Variants in BTBD18 observed in about 807,000 individuals in gnomAD.
The protein encoded by BTBD18 is BTB domain containing 18.
For missense variants in BTBD18, 787 were observed against 846.3 expected (o/e 0.93, Z 0.87); for synonymous variants, 311 against 324.4 (o/e 0.96, Z 0.44).
intron 2 of BTBD18, among the ~76,000 whole-genome samples, chr11:57,749,745 C>CAAAAAAAAAAAAAAAA (rs576323420): frequency 1.6e-5 from 1 of 62,970 alleles, no homozygotes; most frequent in Non-Finnish European, 2.8e-5. Context: ...GCAAGAATCT[C>CAAAAAAAAAAAAAAAA]AAAAAAAAAA....
At position 57,743,851 on chromosome 11, in the gene BTBD18, C is replaced by T; in HGVS notation, c.*283G>A. ...CTGAGAGATCTGGCCTTGGCTGTTA[C>T]CTATGACCCACCAGAATTGGGGAGC... On this transcript the variant is annotated 3_prime_UTR_variant, in exon 3 of 3. Transcript: ENST00000422652. The T allele has an allele frequency of 3.1e-6, 1 of 321,170 alleles. No homozygotes were observed. The allele number at this position is 321,170 out of a possible 1,614,324, so 19.9% of individuals were successfully genotyped here.
chr11:57,746,393 A>C (rs1020657982), intron 2 of BTBD18, among the ~76,000 whole-genome samples: 8 of 149,800 alleles, frequency 5.3e-5, no homozygotes, highest in Non-Finnish European at 3.0e-5. Context: ...GCAGTGGTGC[A>C]ATCTCAGCTC....
rs939416519 is a variant in BTBD18 at position 57,744,738 on chromosome 11, C to G, written c.1535G>C (p.Gly512Ala). Reference protein sequence around the residue: ...LCGSDIEPPIGSLESPGAEGC... With the variant: ...LCGSDIEPPIASLESPGAEGC... ...CTCAGCCCCTGGACTCTCCAGAGAC[C>G]CTATAGGTGGTTCAATGTCTGAGCC... Residue 512 changes from glycine to alanine, a missense_variant, in exon 3 of 3, where the codon GGG becomes GCG. Transcript: ENST00000422652. 1 of 1,551,300 alleles carries G rather than the reference C, an allele frequency of 6.4e-7. No homozygotes were observed. The highest frequency in any genetic ancestry group is 8.7e-7 in the Non-Finnish European group (1 of 1,146,974).
rs1033001969 is a variant in BTBD18 at position 57,751,625 on chromosome 11, A to G, written c.-133T>C. ...GAGTGCCTGGCACAAAATAACTACC[A>G]AGCCCCAAATGGTAACTATTATTAT... On this transcript the variant is annotated 5_prime_UTR_variant, in exon 1 of 3. Coordinates refer to ENST00000422652, the MANE Select transcript of BTBD18 (RefSeq NM_001145101.3). 2.0e-5 allele frequency: 3 copies of G among 152,786 alleles called. No individual in the cohort carries two copies. Among genetic ancestry groups the G allele is most frequent in the Non-Finnish European group, 4.4e-5 (3 of 68,478 alleles). 9.5% of individuals were successfully genotyped at this position (152,786 alleles called of 1,614,324 possible). A position where few individuals can be genotyped will look rare whatever the true frequency, so the allele number is the denominator to read the frequency against.
chr11:57,751,200 T>C lies in BTBD18; in HGVS notation c.-12A>G. ...GCAGGAGAGCACATGTTGGCAAGAG[T>C]CTTAACAAACCTTCTAGGTTTTCAC... On this transcript the variant is annotated 5_prime_UTR_variant, in exon 2 of 3. Transcript: ENST00000422652. 2 of 1,529,542 alleles carry C rather than the reference T, an allele frequency of 1.3e-6. No homozygotes were observed. The highest frequency in any genetic ancestry group is 1.8e-6 in the Non-Finnish European group (2 of 1,138,584). 94.7% of individuals were successfully genotyped at this position (1,529,542 alleles called of 1,614,324 possible). A position where few individuals can be genotyped will look rare whatever the true frequency, so the allele number is the denominator to read the frequency against.
chr11:57,747,181 T>C (rs1325880714), intron 2 of BTBD18, among the ~76,000 whole-genome samples: 1 of 152,190 alleles, frequency 6.6e-6, no homozygotes, highest in African/African-American at 2.4e-5. Flanking sequence ...ATTTAATGGG[T>C]ACTTCCCAGG....
chr11:57,749,449 T>C (rs531050753), intron 2 of BTBD18, among the ~76,000 whole-genome samples: 12 of 152,256 alleles, frequency 7.9e-5, no homozygotes, highest in Admixed American at 7.2e-4. Flanking sequence ...TACAAGACTG[T>C]TAGAATCAGA....
In BTBD18 at chr11:57,744,060, T is replaced by C; in HGVS notation, c.*74A>G. The C allele has an allele frequency of 8.6e-7, 1 of 1,165,656 alleles. No homozygotes were observed. Among genetic ancestry groups the C allele is most frequent in the Non-Finnish European group, 1.2e-6 (1 of 828,548 alleles). The allele number at this position is 1,165,656 out of a possible 1,614,324, so 72.2% of individuals were successfully genotyped here. A position where few individuals can be genotyped will look rare whatever the true frequency, so the allele number is the denominator to read the frequency against. On this transcript the variant is annotated 3_prime_UTR_variant, in exon 3 of 3. Coordinates refer to ENST00000422652, the MANE Select transcript of BTBD18 (RefSeq NM_001145101.3). ...CTTGTGCTGAGGGCACGTGCCAGCT[T>C]CTCTGCCAGTAAGCCTTTTGCTAGC...
intron 2 of BTBD18, among the ~76,000 whole-genome samples, chr11:57,750,622 A>C (rs1463250524): frequency 2.0e-5 from 3 of 151,884 alleles, no homozygotes; most frequent in African/African-American, 4.8e-5. Context: ...ACTTGAACCC[A>C]GGAGGTGGAG....
At position 57,746,752 on chromosome 11, in the gene BTBD18, C is replaced by A. The variant is rs926932213; in HGVS notation, c.125-604G>T. ...TAGGTAGGCTGAAGCAGGAGAATTGCTTGAGTCCAGGGCTTTGAGGCTAGC... is the reference window on the plus strand; with the variant it reads ...TAGGTAGGCTGAAGCAGGAGAATTGATTGAGTCCAGGGCTTTGAGGCTAGC... On this transcript the variant is annotated intron_variant, in intron 2 of 2. Coordinates refer to ENST00000422652, the MANE Select transcript of BTBD18 (RefSeq NM_001145101.3). Among the ~76,000 whole-genome samples the A allele has an allele frequency of 2.1e-5, 3 of 139,946 alleles. No individual in the cohort carries two copies. In the South Asian group the frequency reaches 6.8e-4, roughly 32 times the overall value. 91.8% of individuals were successfully genotyped at this position (139,946 alleles called of 152,430 possible).
chr11:57,748,867 A>G (rs1018984573), intron 2 of BTBD18, among the ~76,000 whole-genome samples: 3 of 152,156 alleles, frequency 2.0e-5, no homozygotes, highest in Non-Finnish European at 2.9e-5. Context: ...TGAGATACCT[A>G]CTTCCTTTGT....
In BTBD18 at chr11:57,744,347, C is replaced by G. The variant is rs558312760; in HGVS notation, c.1926G>C (p.Leu642Phe). The stretch of plus-strand genomic sequence containing the variant: ...AAGGGTATAATAACTCATCTGTAGT[C>G]AAGGAGACTTCCAGCCCAGTCTCCA... ...NWVETGLEVS[L>F]TTDELLYPSP... The change falls in exon 3 of 3, where the codon TTG (leucine) becomes TTC (phenylalanine). Residue 642 changes from leucine (L) to phenylalanine (F), a missense_variant. By Grantham distance (22) the Leu-to-Phe change is conservative. Transcript: ENST00000422652. 5.9e-5 allele frequency: 92 copies of G among 1,551,502 alleles called. No individual in the cohort carries two copies. Among genetic ancestry groups the G allele is most frequent in the Non-Finnish European group, 7.9e-5 (91 of 1,146,968 alleles).
chr11:57,748,608 C>G (rs1208787069), intron 2 of BTBD18, among the ~76,000 whole-genome samples: 6 of 151,754 alleles, frequency 4.0e-5, no homozygotes, highest in African/African-American at 1.5e-4. Context: ...GCTACAGAGT[C>G]TATGCCCTTA....
Position 57,744,627 on chromosome 11 carries a change from A to G in BTBD18, c.1646T>C (p.Leu549Pro). 1 of 1,551,620 alleles carries G rather than the reference A, an allele frequency of 6.4e-7. No homozygotes were observed. Among genetic ancestry groups the G allele is most frequent in the Non-Finnish European group, 8.7e-7 (1 of 1,146,978 alleles). Residue 549 changes from leucine to proline, a missense_variant, in exon 3 of 3, where the codon CTC becomes CCC. Leu to Pro is a moderately conservative substitution (Grantham distance 98). Transcript: ENST00000422652. ...GEEWCLPDME[L>P]WPRELTELEK... Reference sequence around the variant, plus strand: ...CAATTCTGTGAGCTCCCTGGGCCAGAGTTCCATGTCTGGTAGACACCATTC... The same window carrying G: ...CAATTCTGTGAGCTCCCTGGGCCAGGGTTCCATGTCTGGTAGACACCATTC...
At position 57,745,226 on chromosome 11, in the gene BTBD18, A is replaced by G. The variant is rs1949166678; in HGVS notation, c.1047T>C (p.Ser349=). ...CTCTCCCAACCTGCCCCTCCTCTGC[A>G]GAGTCTGAGTTAGGTGCCCTGACTT... The part of the protein sequence containing the change: ...SPEVRAPNSD[S]AEEGQVGRVK... Residue 349 remains serine, a synonymous_variant, in exon 3 of 3, where the codon TCT becomes TCC. Coordinates refer to ENST00000422652, the MANE Select transcript of BTBD18 (RefSeq NM_001145101.3). The G allele has an allele frequency of 6.4e-7, 1 of 1,551,542 alleles. No homozygotes were observed. The highest frequency in any genetic ancestry group is 1.4e-5 in the African/African-American group (1 of 73,042).
chr11:57,749,745 C>CAAAA (rs576323420), intron 2 of BTBD18, among the ~76,000 whole-genome samples: 3 of 62,946 alleles, frequency 4.8e-5, no homozygotes, highest in African/African-American at 6.3e-5. Context: ...GCAAGAATCT[C>CAAAA]AAAAAAAAAA....
At position 57,750,847 on chromosome 11, in the gene BTBD18, T is replaced by C. The variant is rs183229235; in HGVS notation, c.124+218A>G. On this transcript the variant is annotated intron_variant, in intron 2 of 2. Coordinates refer to ENST00000422652, the MANE Select transcript of BTBD18 (RefSeq NM_001145101.3). ...TAGAATGTATCTGCTTATAAAACTTTACAATTAGATTCATTATTTAAGAGA... is the reference window on the plus strand; with the variant it reads ...TAGAATGTATCTGCTTATAAAACTTCACAATTAGATTCATTATTTAAGAGA... Among the ~76,000 whole-genome samples, 129 of 152,380 alleles carry C rather than the reference T, an allele frequency of 8.5e-4. 2 individuals are homozygous for C. Among genetic ancestry groups the C allele is most frequent in the African/African-American group, 2.9e-3 (119 of 41,596 alleles).
At position 57,751,146 on chromosome 11, in the gene BTBD18, G is replaced by A. The variant is rs1388427934; in HGVS notation, c.43C>T (p.Arg15Trp). 3.9e-6 allele frequency: 6 copies of A among 1,548,168 alleles called. No individual in the cohort carries two copies. Among genetic ancestry groups the A allele is most frequent in the South Asian group, 2.4e-5 (2 of 83,678 alleles). ...ASPKILYRNP[R>W]FLRLAFLQLH... is the part of the protein sequence containing the mutation. Reference sequence around the variant, plus strand: ...TGCAGAAAAGCTAACCTGAGGAACCGGGGGTTCCTGTATAGGATTTTGGGA... The same window carrying A: ...TGCAGAAAAGCTAACCTGAGGAACCAGGGGTTCCTGTATAGGATTTTGGGA... Residue 15 changes from arginine to tryptophan, a missense_variant, in exon 2 of 3, where the codon CGG (arginine) becomes TGG (tryptophan). By Grantham distance (101) the Arg-to-Trp change is moderately radical (BLOSUM62 -3). Transcript: ENST00000422652.
At chr11:57,752,166 T>C (rs1949324780), upstream of BTBD18, among the ~76,000 whole-genome samples, 1 of 152,320 alleles carries the variant, frequency 6.6e-6, no homozygotes, top group African/African-American at 2.4e-5. Flanking sequence ...TGCAGTTTTC[T>C]ATCAGGTAGC....
Sources: allele counts gnomAD v4.1 joint callset (sites outside exome capture counted in the v4.1 genomes callset), GRCh38; gene constraint gnomAD v4.1.1; transcripts MANE v1.5; gene names NCBI Gene and HGNC (gene_info 2026-07-23, HGNC 2026-07-21).